The following MXD1 variants were observed in gnomAD, a reference collection of about 807,000 sequenced individuals.
MXD1 encodes MAX dimerization protein 1.
In MXD1, 9 loss-of-function variants were observed where a neutral mutation model predicts 25.7. The ratio of observed to expected loss-of-function variants is 0.35; its 90% CI spans 0.21 to 0.61. The LOEUF is 0.61. MXD1 is among the 20% of genes least tolerant of loss of function. MXD1 has a pLI of 0.75. For missense variants in MXD1, 227 were observed against 292.4 expected (o/e 0.78, Z 1.63); for synonymous variants, 99 against 113.9 (o/e 0.87, Z 0.83).
chr2:69,927,790 A>T (rs1417084758), intron 3 of MXD1, among the ~76,000 whole-genome samples: 3 of 152,224 alleles, frequency 2.0e-5, no homozygotes, highest in African/African-American at 7.2e-5. Flanking sequence ...TTTATGTATT[A>T]TTCACTGAGT....
chr2:69,933,920 G>T (rs181519681), intron 3 of MXD1, among the ~76,000 whole-genome samples: 63 of 152,328 alleles, frequency 4.1e-4, no homozygotes, highest in African/African-American at 1.5e-3. Flanking sequence ...TCTGCTCCAA[G>T]TAGGTTGTGT....
chr2:69,924,816 T>G (rs1677139826), intron 3 of MXD1, among the ~76,000 whole-genome samples: 1 of 152,206 alleles, frequency 6.6e-6, no homozygotes, highest in Non-Finnish European at 1.5e-5. Flanking sequence ...GGATTTTCCC[T>G]TTTCTTGATA....
At chr2:69,921,794 CG>C (rs1187899070) in intron 3 of MXD1, 29 bp downstream of exon 3, 2 of 1,598,086 alleles carry the variant, frequency 1.3e-6, no homozygotes, top group Non-Finnish European at 1.7e-6. Flanking sequence ...AGGTGGAATG[CG>C]GGGAGCTTTG....
Position 69,940,165 on chromosome 2 carries a change from T to TA in MXD1, c.*1883dup, listed in dbSNP as rs1390594603. ...ACAAAGGATTTTTTTTTTTTTTTTTTAATTTTTGGAATCTTTTCCAATAAC... is the reference window on the plus strand; with the variant it reads ...ACAAAGGATTTTTTTTTTTTTTTTTTAAATTTTTGGAATCTTTTCCAATAAC... On this transcript the variant is annotated 3_prime_UTR_variant, in exon 6 of 6. Transcript: ENST00000264444. 6.7e-6 allele frequency: 1 copy of TA among 149,966 alleles called. No homozygotes were observed. Among genetic ancestry groups the TA allele is most frequent in the Non-Finnish European group, 1.5e-5 (1 of 67,786 alleles). The allele number at this position is 149,966 out of a possible 1,614,324, so 9.3% of individuals were successfully genotyped here. A position where few individuals can be genotyped will look rare whatever the true frequency, so the allele number is the denominator to read the frequency against.
rs1392620395 is a variant in MXD1, at chr2:69,940,860, C to G, written c.*2576C>G. ...GCAAACTCAGCCCAAGGCAGCTAAT[C>G]CCCCCAACCCCATCCTCCGCGCCCC... On this transcript the variant is annotated 3_prime_UTR_variant, in exon 6 of 6. Coordinates refer to ENST00000264444, the MANE Select transcript of MXD1 (RefSeq NM_002357.4). The G allele has an allele frequency of 6.6e-6, 1 of 152,648 alleles. No individual in the cohort carries two copies. The highest frequency in any genetic ancestry group is 2.4e-5 in the African/African-American group (1 of 41,436). 9.5% of individuals were successfully genotyped at this position (152,648 alleles called of 1,614,324 possible).
chr2:69,938,032 C>T lies in MXD1; in HGVS notation c.479-65C>T, dbSNP rs954408426. 2.7e-6 allele frequency: 4 copies of T among 1,496,188 alleles called. No individual in the cohort carries two copies. In the Admixed American group the frequency reaches 7.4e-5, roughly 28 times the overall value. The allele number at this position is 1,496,188 out of a possible 1,614,324, so 92.7% of individuals were successfully genotyped here. A position where few individuals can be genotyped will look rare whatever the true frequency, so the allele number is the denominator to read the frequency against. On this transcript the variant is annotated intron_variant, in intron 5 of 5. Transcript: ENST00000264444. The stretch of plus-strand genomic sequence containing the variant: ...AAAGTGCTGGGATTACAAGCATGAG[C>T]CACCACGCCTGAGCTTTCTGCAGAG...
chr2:69,942,154 A>T lies in MXD1; in HGVS notation c.*3870A>T, dbSNP rs116257941. 6.6e-6 allele frequency: 1 copy of T among 151,974 alleles called. No homozygotes were observed. The allele number at this position is 151,974 out of a possible 1,614,324, so 9.4% of individuals were successfully genotyped here. On this transcript the variant is annotated 3_prime_UTR_variant, in exon 6 of 6. Transcript: ENST00000264444. The stretch of plus-strand genomic sequence containing the variant: ...TTGCATGTCAATCTATTCTTTTTCT[A>T]TGTTTGACTCTGATGCAGTGTGTTT...
At chr2:69,928,654 C>T (rs1677216689) in intron 3 of MXD1, among the ~76,000 whole-genome samples, 1 of 150,934 alleles carries the variant, frequency 6.6e-6, no homozygotes, top group Admixed American at 6.6e-5. Context: ...ATCAGTTGAG[C>T]CCAGGAATTC....
intron 2 of MXD1, among the ~76,000 whole-genome samples, chr2:69,918,191 A>T (rs116605716): frequency 2.0e-5 from 3 of 152,246 alleles, no homozygotes; most frequent in African/African-American, 7.2e-5. Flanking sequence ...GGTAAAGGAT[A>T]GGGAGAGATT....
intron 3 of MXD1, among the ~76,000 whole-genome samples, chr2:69,931,436 T>A (rs1677281803): frequency 6.6e-6 from 1 of 152,232 alleles, no homozygotes; most frequent in African/African-American, 2.4e-5. Context: ...AACGTTTGTC[T>A]TTCTGTGCCT....
chr2:69,928,066 G>A (rs1677204348), intron 3 of MXD1, among the ~76,000 whole-genome samples: 1 of 151,626 alleles, frequency 6.6e-6, no homozygotes, highest in Non-Finnish European at 1.5e-5. Flanking sequence ...ACATTTTAAG[G>A]GATTAATTTT....
intron 3 of MXD1, among the ~76,000 whole-genome samples, chr2:69,928,683 A>G (rs1264990439): frequency 1.3e-5 from 2 of 149,198 alleles, no homozygotes; most frequent in African/African-American, 2.5e-5. Context: ...CCTGGGCAAC[A>G]TAGTGAGACC....
intron 3 of MXD1, among the ~76,000 whole-genome samples, chr2:69,923,601 T>TGA (rs1433307433): frequency 6.6e-6 from 1 of 152,070 alleles, no homozygotes; most frequent in East Asian, 1.9e-4. Flanking sequence ...TGTGTGTGTG[T>TGA]GATGCTGAGT....
chr2:69,937,717 C>T lies in MXD1; in HGVS notation c.478+323C>T, dbSNP rs570106233. 5.9e-5 allele frequency among the ~76,000 whole-genome samples: 9 copies of T among 152,266 alleles called. No homozygotes were observed. The South Asian group carries it at 1.9e-3, about 32-fold the overall frequency. On this transcript the variant is annotated intron_variant, in intron 5 of 5. Coordinates refer to ENST00000264444, the MANE Select transcript of MXD1 (RefSeq NM_002357.4). ...GCAACCTCCGCCTCCCGGGTTCAAG[C>T]GATTCCCCTGCCTAAGCCTCCCAAG... is the stretch of plus-strand genomic sequence containing the variant.
chr2:69,934,349 T>C (rs1272884304), intron 3 of MXD1, among the ~76,000 whole-genome samples: 1 of 152,142 alleles, frequency 6.6e-6, no homozygotes, highest in African/African-American at 2.4e-5. Context: ...ATTTTCCAGG[T>C]TCTAGAATAA....
chr2:69,932,089 C>T (rs1158420321), intron 3 of MXD1, among the ~76,000 whole-genome samples: 1 of 152,112 alleles, frequency 6.6e-6, no homozygotes, highest in Non-Finnish European at 1.5e-5. Flanking sequence ...AATGGGACAG[C>T]AGGGCACAGG....
At chr2:69,932,849 A>G (rs1677324797) in intron 3 of MXD1, among the ~76,000 whole-genome samples, 1 of 152,250 alleles carries the variant, frequency 6.6e-6, no homozygotes, top group South Asian at 2.1e-4. Context: ...TGAATCATGC[A>G]GTCTTTGCAA....
chr2:69,925,331 C>T (rs1177138307), intron 3 of MXD1, among the ~76,000 whole-genome samples: 3 of 151,778 alleles, frequency 2.0e-5, no homozygotes, highest in Non-Finnish European at 2.9e-5. Flanking sequence ...GAAAATAATA[C>T]TAAAAATTTA....
At chr2:69,936,981 C>T (rs1297153041) in intron 4 of MXD1, 12 of 606,482 alleles carry the variant, frequency 2.0e-5, no homozygotes, top group Non-Finnish European at 3.5e-5. Context: ...ACCAGGGTGC[C>T]AGTATGTGAG....
Sources: allele counts gnomAD v4.1 joint callset (sites outside exome capture counted in the v4.1 genomes callset), GRCh38; gene constraint gnomAD v4.1.1; transcripts MANE v1.5; gene names NCBI Gene and HGNC (gene_info 2026-07-23, HGNC 2026-07-21).